Variants in HIVEP3 observed in about 807,000 individuals in gnomAD.
HIVEP3 encodes HIVEP zinc finger 3.
In HIVEP3, 49 loss-of-function variants were observed where a neutral mutation model predicts 152.8. The observed-to-expected ratio is 0.32, with a 90% CI of 0.26 to 0.41. The LOEUF (loss-of-function observed/expected upper bound fraction) is 0.41. Among genes scored for constraint, HIVEP3 ranks in the 10% least tolerant of loss-of-function variants. The pLI is 1.00. For missense variants in HIVEP3, 2,790 were observed against 3,103.3 expected (o/e 0.90, Z 2.40); for synonymous variants, 1,269 against 1,289.0 (o/e 0.98, Z 0.33).
chr1:41,614,330 A>C (rs1366293655), intron 3 of HIVEP3, among the ~76,000 whole-genome samples: 2 of 152,216 alleles, frequency 1.3e-5, no homozygotes, highest in African/African-American at 4.8e-5. Context: ...GGAGAGTACC[A>C]TTTCTGAGAT....
chr1:41,579,993 G>C lies in HIVEP3; in HGVS notation c.4805C>G (p.Thr1602Ser). The C allele has an allele frequency of 3.1e-6, 5 of 1,614,262 alleles. No individual in the cohort carries two copies. Among genetic ancestry groups the C allele is most frequent in the Non-Finnish European group, 4.2e-6 (5 of 1,180,052 alleles). ...VLQFPSLHTT[T>S]NVSWCYLNYI... is the part of the protein sequence containing the mutation. Reference sequence around the variant, plus strand: ...GTTTAAATAGCACCAACTGACATTAGTGGTTGTGTGGAGGCTGGGGAACTG... The same window carrying C: ...GTTTAAATAGCACCAACTGACATTACTGGTTGTGTGGAGGCTGGGGAACTG... Residue 1602 changes from threonine to serine, a missense_variant, in exon 4 of 9, where the codon ACT becomes AGT. Transcript: ENST00000372583.
chr1:41,875,242 C>T (rs1159487754), intron 1 of HIVEP3, among the ~76,000 whole-genome samples: 1 of 152,202 alleles, frequency 6.6e-6, no homozygotes, highest in East Asian at 1.9e-4. Context: ...GCCCTTGAGG[C>T]TCCCCTGTAC....
chr1:41,879,275 C>T (rs927411318), intron 1 of HIVEP3, among the ~76,000 whole-genome samples: 1 of 152,160 alleles, frequency 6.6e-6, no homozygotes, highest in Admixed American at 6.5e-5. Flanking sequence ...ATGAAGGTGG[C>T]CTCTCTCAAC....
At chr1:41,986,200 G>C (rs879681278) in intron 1 of HIVEP3, among the ~76,000 whole-genome samples, 2 of 152,168 alleles carry the variant, frequency 1.3e-5, no homozygotes, top group Admixed American at 6.5e-5. Flanking sequence ...TAAAAGATGA[G>C]AGCCTGCTTA....
At chr1:41,790,031 G>A (rs1649597405) in intron 1 of HIVEP3, among the ~76,000 whole-genome samples, 1 of 152,158 alleles carries the variant, frequency 6.6e-6, no homozygotes, top group Admixed American at 6.5e-5. Context: ...ACAGGGTCAG[G>A]TGCTACTTTC....
chr1:41,682,795 A>G (rs558988012), intron 2 of HIVEP3, among the ~76,000 whole-genome samples: 109 of 152,216 alleles, frequency 7.2e-4, no homozygotes, highest in African/African-American at 2.3e-3. Flanking sequence ...ACTCATTTCT[A>G]TTCCTTCCAA....
At chr1:41,854,658 A>G (rs1471028356) in intron 1 of HIVEP3, among the ~76,000 whole-genome samples, 2 of 99,648 alleles carry the variant, frequency 2.0e-5, no homozygotes, top group East Asian at 2.5e-4. Flanking sequence ...ATATCTCCCA[A>G]TGTTATCCCT....
chr1:41,868,850 T>C (rs1360963482), intron 1 of HIVEP3, among the ~76,000 whole-genome samples: 1 of 152,210 alleles, frequency 6.6e-6, no homozygotes, highest in Non-Finnish European at 1.5e-5. Flanking sequence ...CGTAAGACTG[T>C]TGTAAGGCTT....
chr1:41,545,051 C>CATCGCT (rs1558047656), intron 5 of HIVEP3, among the ~76,000 whole-genome samples: 22 of 93,182 alleles, frequency 2.4e-4, no homozygotes, highest in Non-Finnish European at 4.5e-4. Context: ...CCACTACCAC[C>CATCGCT]ACCATCACTA....
At chr1:41,892,761 A>C (rs1216341179) in intron 1 of HIVEP3, among the ~76,000 whole-genome samples, 1 of 152,166 alleles carries the variant, frequency 6.6e-6, no homozygotes, top group African/African-American at 2.4e-5. Context: ...CAAACCAGCC[A>C]CATAGCCTGG....
intron 1 of HIVEP3, among the ~76,000 whole-genome samples, chr1:41,780,509 C>A (rs911638807): frequency 6.6e-6 from 1 of 151,934 alleles, no homozygotes; most frequent in South Asian, 2.1e-4. Flanking sequence ...ATGCTCCTTG[C>A]CTGTCTTAAA....
At chr1:41,752,853 G>T (rs150494346) in intron 1 of HIVEP3, among the ~76,000 whole-genome samples, 1 of 152,316 alleles carries the variant, frequency 6.6e-6, no homozygotes, top group African/African-American at 2.4e-5. Flanking sequence ...AAATAATCTG[G>T]CGTCCCTTCT....
At chr1:41,676,918 C>T (rs538202372) in intron 2 of HIVEP3, among the ~76,000 whole-genome samples, 1 of 152,360 alleles carries the variant, frequency 6.6e-6, no homozygotes, top group African/African-American at 2.4e-5. Context: ...GAGTCACCAG[C>T]TGGGATGGTG....
intron 1 of HIVEP3, among the ~76,000 whole-genome samples, chr1:41,948,195 A>G (rs1236962645): frequency 2.6e-5 from 4 of 152,248 alleles, no homozygotes; most frequent in African/African-American, 9.6e-5. Flanking sequence ...TGCAGTGGTC[A>G]GTGATAATGG....
At position 41,590,033 on chromosome 1, in the gene HIVEP3, C is replaced by G. The variant is rs540889532; in HGVS notation, c.-521-4715G>C. 3.9e-5 allele frequency among the ~76,000 whole-genome samples: 6 copies of G among 152,356 alleles called. No homozygotes were observed. In the South Asian group the frequency reaches 1.2e-3, roughly 32 times the overall value. On this transcript the variant is annotated intron_variant, in intron 3 of 8. Coordinates refer to ENST00000372583, the MANE Select transcript of HIVEP3 (RefSeq NM_024503.5). ...AAGCCAGTGCCCCTTCTAAAAATCT[C>G]TGTGTACAACACTCTGTGTGTGTGC...
chr1:41,665,587 G>A (rs1645782504), intron 2 of HIVEP3, among the ~76,000 whole-genome samples: 1 of 150,136 alleles, frequency 6.7e-6, no homozygotes, highest in South Asian at 2.1e-4. Flanking sequence ...GAGGGGTGGA[G>A]TAGGGGCATA....
At chr1:41,768,138 T>A (rs1354360032) in intron 1 of HIVEP3, among the ~76,000 whole-genome samples, 1 of 152,176 alleles carries the variant, frequency 6.6e-6, no homozygotes, top group African/African-American at 2.4e-5. Flanking sequence ...ACGCTGCTGA[T>A]AGACATAACT....
In HIVEP3 at chr1:41,637,054, G is replaced by A. The variant is rs147720873; in HGVS notation, c.-720-8107C>T. ...CCATCAAGTGGTGGAGGGAGGAGTC[G>A]TCATCAAATACTTCTCAAATACTGC... On this transcript the variant is annotated intron_variant, in intron 2 of 8. Coordinates refer to ENST00000372583, the MANE Select transcript of HIVEP3 (RefSeq NM_024503.5). Among the ~76,000 whole-genome samples the A allele has an allele frequency of 9.8e-3, 1,494 of 152,174 alleles. 32 individuals carry two copies. Among genetic ancestry groups the A allele is most frequent in the African/African-American group, 0.034 (1,420 of 41,518 alleles).
At chr1:41,531,465 T>C (rs561315849) in intron 5 of HIVEP3, among the ~76,000 whole-genome samples, 1 of 105,286 alleles carries the variant, frequency 9.5e-6, no homozygotes, top group Non-Finnish European at 1.9e-5. Context: ...ACATGAGAGA[T>C]AGAGGACAGG....
Sources: gnomAD v4.1 joint callset for allele counts (sites outside exome capture counted in the v4.1 genomes callset) on GRCh38, gnomAD v4.1.1 for gene constraint, MANE v1.5 for transcripts, NCBI Gene and HGNC (gene_info 2026-07-23, HGNC 2026-07-21) for gene names.